The following KANK1 variants were observed in gnomAD, a reference collection of about 807,000 sequenced individuals.
KANK1 encodes KN motif and ankyrin repeat domain-containing protein 1.
KANK1 carries 109 observed loss-of-function variants against 106.2 expected under a neutral mutation model. The ratio of observed to expected loss-of-function variants is 1.03; its 90% CI spans 0.88 to 1.20. The LOEUF is 1.20. Among genes scored for constraint, KANK1 ranks in the 50% most tolerant of loss-of-function variants. The pLI, the probability that KANK1 is intolerant of heterozygous loss-of-function variation, is 0.00. For missense variants in KANK1, 2,399 were observed against 1,710.7 expected, an observed-to-expected ratio of 1.40 and a Z score of -7.10; for synonymous variants, 873 against 652.2, an observed-to-expected ratio of 1.34 and a Z score of -5.16.
intron 1 of KANK1, among the ~76,000 whole-genome samples, chr9:616,098 A>C (rs1831762203): frequency 6.6e-6 from 1 of 152,184 alleles, no homozygotes; most frequent in South Asian, 2.1e-4. Flanking sequence ...CACCACATCC[A>C]CTGAAGCTCA....
At chr9:657,395 AG>A (rs35011466) in intron 1 of KANK1, among the ~76,000 whole-genome samples, 28,043 of 152,018 alleles carry the variant, frequency 0.18, 2,992 homozygotes, top group East Asian at 0.32. Context: ...ACCCAGAAGT[AG>A]GGTTCTTGAA....
chr9:497,239 C>T (rs1162504214), intron 3 of KANK1, among the ~76,000 whole-genome samples: 1 of 152,110 alleles, frequency 6.6e-6, no homozygotes, highest in Non-Finnish European at 1.5e-5. Flanking sequence ...AAAGAAGACT[C>T]CTTAAGGGCA....
chr9:584,954 A>G (rs1823090422), intron 1 of KANK1, among the ~76,000 whole-genome samples: 2 of 152,312 alleles, frequency 1.3e-5, no homozygotes, highest in Non-Finnish European at 2.9e-5. Flanking sequence ...TGCAGTCAGC[A>G]TCCTGTATCT....
intron 1 of KANK1, among the ~76,000 whole-genome samples, chr9:537,750 G>C (rs558563172): frequency 4.6e-5 from 7 of 152,302 alleles, no homozygotes; most frequent in African/African-American, 1.7e-4. Context: ...CATGATTTTG[G>C]GGAGGGGTGC....
chr9:524,788 A>G (rs2059708635), intron 1 of KANK1, among the ~76,000 whole-genome samples: 1 of 151,404 alleles, frequency 6.6e-6, no homozygotes, highest in Non-Finnish European at 1.5e-5. Context: ...AAGTGCTGGG[A>G]TTATGGGTGT....
At chr9:493,146 C>T (rs981066374) in intron 3 of KANK1, among the ~76,000 whole-genome samples, 3 of 152,114 alleles carry the variant, frequency 2.0e-5, no homozygotes, top group Admixed American at 6.5e-5. Flanking sequence ...TTGGTTTGTG[C>T]GACCATAGAA....
intron 3 of KANK1, among the ~76,000 whole-genome samples, chr9:486,783 C>T (rs1042191198): frequency 6.6e-6 from 1 of 152,136 alleles, no homozygotes; most frequent in African/African-American, 2.4e-5. Flanking sequence ...TTTTAAGACT[C>T]TTCAATTATA....
chr9:731,902 G>A (rs1230711876), intron 5 of KANK1: 4 of 158,248 alleles, frequency 2.5e-5, no homozygotes, highest in African/African-American at 9.6e-5. Flanking sequence ...TTAACCTTAT[G>A]GTGCCTGTTT....
At position 609,100 on chromosome 9, in the gene KANK1, C is replaced by T. The variant is rs540088211; in HGVS notation, c.-83-67790C>T. On this transcript the variant is annotated intron_variant, in intron 1 of 11. Transcript: ENST00000382297. ...AGGGAAGAAGACTTGACCCCTAACC[C>T]TTCAGAAAGCTGGCTGAAAAAAAAA... Among the ~76,000 whole-genome samples the T allele has an allele frequency of 6.6e-5, 10 of 151,654 alleles. No homozygotes were observed. The East Asian group carries it at 1.7e-3, about 26-fold the overall frequency.
At chr9:495,617 G>A (rs557229229) in intron 3 of KANK1, 2 of 152,080 alleles carry the variant, frequency 1.3e-5, no homozygotes, top group Non-Finnish European at 2.9e-5. Flanking sequence ...ACTTCATCAG[G>A]TCATGAGGTT....
intron 1 of KANK1, among the ~76,000 whole-genome samples, chr9:654,250 C>G (rs1318725184): frequency 1.3e-5 from 2 of 152,202 alleles, no homozygotes; most frequent in East Asian, 1.9e-4. Context: ...GCTGACATCA[C>G]TGGTCCACGG....
rs577732000 is a variant in KANK1 at position 607,355 on chromosome 9, C to T, written c.-83-69535C>T. ...ACAAAAATTAGCTGGTGTGGCGACGCACACCTGTAGTCCCAGCTATTTGGG... is the reference window on the plus strand; with the variant it reads ...ACAAAAATTAGCTGGTGTGGCGACGTACACCTGTAGTCCCAGCTATTTGGG... On this transcript the variant is annotated intron_variant, in intron 1 of 11. Coordinates refer to ENST00000382297, the MANE Select transcript of KANK1 (RefSeq NM_015158.5). 1.5e-4 allele frequency among the ~76,000 whole-genome samples: 23 copies of T among 151,606 alleles called. No homozygotes were observed. In the South Asian group the frequency reaches 2.9e-3, roughly 19 times the overall value.
At chr9:533,444 A>T (rs757355753) in intron 1 of KANK1, among the ~76,000 whole-genome samples, 7 of 152,230 alleles carry the variant, frequency 4.6e-5, no homozygotes, top group Non-Finnish European at 1.0e-4. Flanking sequence ...GGCATAATGC[A>T]TTTAAAGTGG....
chr9:611,161 C>T (rs1563857597), intron 1 of KANK1, among the ~76,000 whole-genome samples: 1 of 152,120 alleles, frequency 6.6e-6, no homozygotes, highest in African/African-American at 2.4e-5. Flanking sequence ...TTTTGGCCTT[C>T]AGAGATGTCG....
chr9:566,671 T>C (rs908447072), intron 1 of KANK1, among the ~76,000 whole-genome samples: 3 of 152,216 alleles, frequency 2.0e-5, no homozygotes, highest in African/African-American at 7.2e-5. Context: ...TTGAAAGGTG[T>C]CTGTTCATGC....
intron 7 of KANK1, 71 bp downstream of exon 7, chr9:734,906 C>A: frequency 9.2e-7 from 1 of 1,091,948 alleles, no homozygotes; most frequent in Non-Finnish European, 1.4e-6. Context: ...TCAAGGCCAG[C>A]TGTAGGCTGC....
At chr9:642,085 C>T (rs540322003) in intron 1 of KANK1, among the ~76,000 whole-genome samples, 27 of 152,260 alleles carry the variant, frequency 1.8e-4, no homozygotes, top group Middle Eastern at 3.4e-3. Flanking sequence ...AGATAGGATG[C>T]CCATAGTCAG....
At chr9:721,366 A>G (rs1332811809) in intron 3 of KANK1, among the ~76,000 whole-genome samples, 1 of 152,216 alleles carries the variant, frequency 6.6e-6, no homozygotes, top group Non-Finnish European at 1.5e-5. Context: ...GGTTTGTAAA[A>G]GGTCTAATTT....
chr9:647,257 TG>T lies in KANK1; in HGVS notation c.-83-29632del, dbSNP rs376547339. On this transcript the variant is annotated intron_variant, in intron 1 of 11. Transcript: ENST00000382297. ...ATTTATTTACTTATTTGATTATTTC[TG>T]TTCTCATTAATTTTCTAATTATGAC... is the stretch of plus-strand genomic sequence containing the variant. 3.3e-3 allele frequency among the ~76,000 whole-genome samples: 436 copies of T among 133,036 alleles called. 43 individuals carry two copies. The highest frequency in any genetic ancestry group is 0.015 in the African/African-American group (422 of 28,118). 87.3% of individuals were successfully genotyped at this position (133,036 alleles called of 152,430 possible). A position where few individuals can be genotyped will look rare whatever the true frequency, so the allele number is the denominator to read the frequency against.
Sources: gnomAD v4.1 joint callset for allele counts (sites outside exome capture counted in the v4.1 genomes callset) on GRCh38, gnomAD v4.1.1 for gene constraint, MANE v1.5 for transcripts, NCBI Gene and HGNC (gene_info 2026-07-23, HGNC 2026-07-21) for gene names.